The following SUPT20H variants were observed in gnomAD, a reference collection of about 807,000 sequenced individuals.
SUPT20H encodes the protein SPT20 homolog, SAGA complex component.
In SUPT20H, 82 loss-of-function variants were observed where a neutral mutation model predicts 122.8. The observed-to-expected ratio is 0.67, with a 90% CI of 0.56 to 0.80. The LOEUF is 0.80. Ranked by LOEUF, SUPT20H falls within the 30% of genes least tolerant of loss-of-function variation. The pLI, the probability that SUPT20H is intolerant of heterozygous loss-of-function variation, is 0.00. For synonymous variants in SUPT20H, 291 were observed against 313.0 expected, an observed-to-expected ratio of 0.93 and a Z score of 0.74; for missense variants, 831 against 921.6, an observed-to-expected ratio of 0.90 and a Z score of 1.27.
At chr13:37,047,391 A>G (rs1199983) in intron 5 of SUPT20H, 144 bp downstream of exon 5, 799,438 of 876,434 alleles carry the variant, frequency 0.91, 364,999 homozygotes, top group East Asian at 1. Flanking sequence ...CAGAGCTCTG[A>G]GTCAGCTACA....
intron 7 of SUPT20H, among the ~76,000 whole-genome samples, chr13:37,041,983 A>C (rs1252793422): frequency 6.6e-6 from 1 of 152,236 alleles, no homozygotes; most frequent in Non-Finnish European, 1.5e-5. Context: ...AGATCATTCC[A>C]GACAGAGGGA....
At position 37,022,884 on chromosome 13, in the gene SUPT20H, A is replaced by C; in HGVS notation, c.1592-804T>G. The C allele has an allele frequency of 9.1e-7, 1 of 1,101,250 alleles. No individual in the cohort carries two copies. Among genetic ancestry groups the C allele is most frequent in the Non-Finnish European group, 1.1e-6 (1 of 888,262 alleles). 68.2% of individuals were successfully genotyped at this position (1,101,250 alleles called of 1,614,324 possible). On this transcript the variant is annotated intron_variant, in intron 19 of 25. Transcript: ENST00000350612. The surrounding 1 kb of genome is among the most constrained non-coding windows in gnomAD (Gnocchi z 4.5). ...TGAGAGATAATACTGCATCTTTAACAGTAACTGTGTACTTCTGTTTAAATG... is the reference window on the plus strand; with the variant it reads ...TGAGAGATAATACTGCATCTTTAACCGTAACTGTGTACTTCTGTTTAAATG...
At position 37,022,938 on chromosome 13, in the gene SUPT20H, G is replaced by T; in HGVS notation, c.1592-858C>A. 1 of 1,182,466 alleles carries T rather than the reference G, an allele frequency of 8.5e-7. No individual in the cohort carries two copies. The highest frequency in any genetic ancestry group is 1.1e-6 in the Non-Finnish European group (1 of 931,172). 73.2% of individuals were successfully genotyped at this position (1,182,466 alleles called of 1,614,324 possible). ...AATGTATAGAAAATCTGTTGTGAAT[G>T]AAGTATGCACAGTTTATCAATTTTT... On this transcript the variant is annotated intron_variant, in intron 19 of 25. Transcript: ENST00000350612. The surrounding 1 kb of genome is among the most constrained non-coding windows in gnomAD (Gnocchi z 4.5).
intron 9 of SUPT20H, among the ~76,000 whole-genome samples, chr13:37,037,597 C>T (rs2064723540): frequency 6.6e-6 from 1 of 152,162 alleles, no homozygotes; most frequent in Admixed American, 6.5e-5. Context: ...AAAACAAAAC[C>T]CTCTGCTCTC....
chr13:37,053,886 A>C (rs1468703704), intron 1 of SUPT20H, among the ~76,000 whole-genome samples: 1 of 152,206 alleles, frequency 6.6e-6, no homozygotes, highest in Admixed American at 6.5e-5. Flanking sequence ...CTAATAAAGA[A>C]GAAAAGAGAG....
rs533725397 is a variant in SUPT20H, at chr13:37,051,776, T to C, written c.-93-193A>G. 5.2e-5 allele frequency: 16 copies of C among 308,478 alleles called. No homozygotes were observed. The South Asian group carries it at 1.5e-3, about 30-fold the overall frequency. The allele number at this position is 308,478 out of a possible 1,614,324, so 19.1% of individuals were successfully genotyped here. A position where few individuals can be genotyped will look rare whatever the true frequency, so the allele number is the denominator to read the frequency against. On this transcript the variant is annotated intron_variant, in intron 1 of 25. Transcript: ENST00000350612. ...AACCTATCCACTCACTGCTGAAAAG[T>C]AGTTTCAACTAGGAAAGGCAAAACA...
intron 7 of SUPT20H, among the ~76,000 whole-genome samples, chr13:37,042,097 A>C (rs1365555080): frequency 6.6e-6 from 1 of 152,226 alleles, no homozygotes; most frequent in Non-Finnish European, 1.5e-5. Context: ...GAGATCTAGA[A>C]GATGAAGACA....
In SUPT20H at chr13:37,022,985, AAAAACCAAAAAAGT is replaced by A. The variant is rs1451576144; in HGVS notation, c.1592-919_1592-906del. 2.4e-6 allele frequency: 3 copies of A among 1,260,830 alleles called. No individual in the cohort carries two copies. The highest frequency in any genetic ancestry group is 5.6e-5 in the East Asian group (1 of 17,936). 78.1% of individuals were successfully genotyped at this position (1,260,830 alleles called of 1,614,324 possible). On this transcript the variant is annotated intron_variant, in intron 19 of 25. Coordinates refer to ENST00000350612, the MANE Select transcript of SUPT20H (RefSeq NM_001014286.3). The surrounding 1 kb of genome is among the most constrained non-coding windows in gnomAD (Gnocchi z 4.5). ...TTTTTAAAAAACAAAAACAAAAAAC[AAAAACCAAAAAAGT>A]AAAACCAAAAGCTCTTGAGGTGTTT...
chr13:37,024,426 G>T lies in SUPT20H; in HGVS notation c.1346C>A (p.Ser449Ter). The stretch of plus-strand genomic sequence containing the variant: ...CTTCCCCAATACCGAAGACTGAACT[G>T]ACACGGTTTCAGTTTGCTAAAAGAC... The part of the protein sequence containing the change: ...GKETDQTETV[S>*]VQSSVLGKGV... Residue 449 changes from serine (S) to a stop codon, truncating the protein, a stop_gained, in exon 18 of 26, where the codon TCA becomes TAA. Coordinates refer to ENST00000350612, the MANE Select transcript of SUPT20H (RefSeq NM_001014286.3). LOFTEE classifies it high-confidence loss of function. The T allele has an allele frequency of 6.4e-7, 1 of 1,562,274 alleles. No individual in the cohort carries two copies. Among genetic ancestry groups the T allele is most frequent in the South Asian group, 1.2e-5 (1 of 80,816 alleles).
In SUPT20H at chr13:37,033,407, C is replaced by T. The variant is rs771466847; in HGVS notation, c.707+42G>A. The stretch of plus-strand genomic sequence containing the variant: ...ATACTATAAATAGCAAAATTTATAG[C>T]TACTTGTGTCTTTTGGTTCACCCTT... On this transcript the variant is annotated intron_variant, in intron 10 of 25. Transcript: ENST00000350612. 5.0e-6 allele frequency: 8 copies of T among 1,593,896 alleles called. 1 individual carries two copies. In the South Asian group the frequency reaches 8.0e-5, roughly 16 times the overall value.
chr13:37,052,445 T>C (rs1198219022), intron 1 of SUPT20H, among the ~76,000 whole-genome samples: 1 of 152,136 alleles, frequency 6.6e-6, no homozygotes, highest in Non-Finnish European at 1.5e-5. Context: ...ATCTAATAAA[T>C]GGCCCTGGGA....
chr13:37,042,158 TAAAG>T (rs1407298069), intron 7 of SUPT20H, among the ~76,000 whole-genome samples: 1 of 152,166 alleles, frequency 6.6e-6, no homozygotes, highest in African/African-American at 2.4e-5. Flanking sequence ...TCATGTATCT[TAAAG>T]AGAGACTGGC....
In SUPT20H at chr13:37,021,308, C is replaced by A. The variant is rs557615590; in HGVS notation, c.1816+140G>T. ...ATTCAAATGCCAGAACTTTTAAAGG[C>A]TTTTTAAGTGAAATATATGTGATAC... is the stretch of plus-strand genomic sequence containing the variant. On this transcript the variant is annotated intron_variant, in intron 21 of 25. Transcript: ENST00000350612. 8.5e-6 allele frequency: 8 copies of A among 946,584 alleles called. No homozygotes were observed. In the South Asian group the frequency reaches 2.0e-4, roughly 24 times the overall value. 58.6% of individuals were successfully genotyped at this position (946,584 alleles called of 1,614,324 possible).
chr13:37,033,318 AAGAG>A (rs558085671), intron 10 of SUPT20H, 127 bp downstream of exon 10: 12 of 1,126,244 alleles, frequency 1.1e-5, no homozygotes, highest in Non-Finnish European at 1.5e-5. Flanking sequence ...CTGGGCAACA[AAGAG>A]AGACCTCATC....
chr13:37,012,201 G>C lies in SUPT20H; in HGVS notation c.2089C>G (p.Gln697Glu). 1.9e-6 allele frequency: 3 copies of C among 1,612,692 alleles called. No homozygotes were observed. The highest frequency in any genetic ancestry group is 2.5e-6 in the Non-Finnish European group (3 of 1,178,962). ...LTGVGSFMQS[Q>E]AAVLSQLGSA... ...TTATGAAGATACCTACCAGCTGCCT[G>C]TGACTGCATAAAACTTCCTACTCCA... Residue 697 changes from glutamine to glutamate, a missense_variant, in exon 24 of 26, where the codon CAG becomes GAG. By Grantham distance (29) the Gln-to-Glu change is conservative (BLOSUM62 2). Transcript: ENST00000350612.
At chr13:37,038,240 T>C (rs1036859935) in intron 9 of SUPT20H, 2 of 152,338 alleles carry the variant, frequency 1.3e-5, no homozygotes, top group Non-Finnish European at 1.5e-5. Flanking sequence ...CTAGATTCAC[T>C]ACTTCATTAA....
At chr13:37,040,187 C>T in intron 9 of SUPT20H, 1 of 426,312 alleles carries the variant, frequency 2.3e-6, no homozygotes. Flanking sequence ...ATATATTAGG[C>T]CAGCTTGACC....
At chr13:37,016,952 AG>A (rs2060618783) in intron 23 of SUPT20H, among the ~76,000 whole-genome samples, 1 of 152,202 alleles carries the variant, frequency 6.6e-6, no homozygotes, top group Admixed American at 6.5e-5. Flanking sequence ...CATGAGTGAT[AG>A]GGGCACAAAG....
At chr13:37,051,283 T>G (rs1036813163) in intron 2 of SUPT20H, among the ~76,000 whole-genome samples, 1 of 152,200 alleles carries the variant, frequency 6.6e-6, no homozygotes, top group Non-Finnish European at 1.5e-5. Flanking sequence ...GATAGATGGA[T>G]GAATGTGATC....
Sources: allele counts gnomAD v4.1 joint callset (sites outside exome capture counted in the v4.1 genomes callset), GRCh38; gene constraint gnomAD v4.1.1; non-coding constraint Gnocchi (gnomAD v3.1); transcripts MANE v1.5; gene names NCBI Gene and HGNC (gene_info 2026-07-23, HGNC 2026-07-21).